PTHLH: variants seen among roughly 807,000 people sequenced by gnomAD.
PTHLH encodes parathyroid hormone like hormone.
Under a neutral mutation model 18.6 loss-of-function variants are expected in PTHLH, and 5 were observed. The observed-to-expected ratio is 0.27, with a 90% CI of 0.14 to 0.56. PTHLH has a LOEUF of 0.56. Among genes scored for constraint, PTHLH ranks in the 20% least tolerant of loss-of-function variants. The pLI is 0.92. For synonymous variants in PTHLH, 90 were observed against 94.0 expected, an observed-to-expected ratio of 0.96 and a Z score of 0.25; for missense variants, 207 against 223.9, an observed-to-expected ratio of 0.92 and a Z score of 0.48.
At chr12:27,970,809 G>A (rs1007024309) in intron 2 of PTHLH, among the ~76,000 whole-genome samples, 2 of 152,320 alleles carry the variant, frequency 1.3e-5, no homozygotes, top group Non-Finnish European at 2.9e-5. Flanking sequence ...GTGAATTTAA[G>A]GAGCCCGAAG....
chr12:27,961,255 T>C (rs555257027), intron 5 of PTHLH, among the ~76,000 whole-genome samples: 2 of 86,944 alleles, frequency 2.3e-5, no homozygotes, highest in Admixed American at 1.3e-4. Context: ...TCAAAAGTTA[T>C]TTATACCTCT....
At position 27,963,343 on chromosome 12, in the gene PTHLH, G is replaced by T. The variant is rs2062778047; in HGVS notation, c.524+5C>A. 1.9e-6 allele frequency: 3 copies of T among 1,614,232 alleles called. No homozygotes were observed. The highest frequency in any genetic ancestry group is 2.5e-6 in the Non-Finnish European group (3 of 1,180,040). Reference sequence around the variant, plus strand: ...CTGAGGCTACGGGCCAGAGAAGCCTGTTACCGTGAATCGAGCTCCAGCGAC... The same window carrying T: ...CTGAGGCTACGGGCCAGAGAAGCCTTTTACCGTGAATCGAGCTCCAGCGAC... On this transcript the variant is annotated splice_donor_5th_base_variant and intron_variant, in intron 5 of 5. Coordinates refer to ENST00000545234, the MANE Select transcript of PTHLH (RefSeq NM_198965.2).
intron 5 of PTHLH, among the ~76,000 whole-genome samples, chr12:27,961,385 A>G (rs1974747): frequency 0.044 from 6,422 of 146,044 alleles, 234 homozygotes; most frequent in East Asian, 0.13. Flanking sequence ...AGATATAAAT[A>G]GATAGATGAT....
intron 4 of PTHLH, 43 bp downstream of exon 4, chr12:27,969,350 CT>C (rs1014600088): frequency 1.3e-6 from 2 of 1,525,688 alleles, no homozygotes; most frequent in Non-Finnish European, 1.8e-6. Context: ...GCCCCTCCCC[CT>C]GGCCTCCCCA....
intron 3 of PTHLH, 140 bp from the exon 4 acceptor site, chr12:27,969,656 T>G: frequency 1.2e-6 from 1 of 826,218 alleles, no homozygotes; most frequent in Non-Finnish European, 2.1e-6. Context: ...GAAAAAAAAT[T>G]TCTCTGGAGC....
intron 5 of PTHLH, chr12:27,962,975 A>G: frequency 8.8e-7 from 1 of 1,142,746 alleles, no homozygotes; most frequent in South Asian, 2.4e-5. Context: ...CACTGAAGAA[A>G]GTTTGCCCAG....
intron 5 of PTHLH, 73 bp downstream of exon 5, chr12:27,963,275 C>T: frequency 1.9e-6 from 3 of 1,611,734 alleles, no homozygotes; most frequent in Non-Finnish European, 2.5e-6. Context: ...TTGTCCAAGC[C>T]AAGGCAGAAG....
intron 5 of PTHLH, among the ~76,000 whole-genome samples, chr12:27,961,307 A>ATATACGTATATATATATGTG (rs1316280843): frequency 1.6e-5 from 1 of 63,256 alleles, no homozygotes; most frequent in Non-Finnish European, 3.5e-5. Flanking sequence ...ATACGTATAT[A>ATATACGTATATATATATGTG]TATATATATA....
At chr12:27,969,560 C>G (rs531689300) in intron 3 of PTHLH, 44 bp from the exon 4 acceptor site, 1 of 1,442,432 alleles carries the variant, frequency 6.9e-7, no homozygotes, top group South Asian at 1.2e-5. Context: ...TCTGGACTCT[C>G]CATCTCCCCG....
At chr12:27,960,921 GC>G (rs2062747755) in intron 5 of PTHLH, among the ~76,000 whole-genome samples, 1 of 151,814 alleles carries the variant, frequency 6.6e-6, no homozygotes, top group South Asian at 2.1e-4. Flanking sequence ...AACTTGCATG[GC>G]CCCATACATT....
chr12:27,969,564 C>T (rs1183858609), intron 3 of PTHLH, 48 bp from the exon 4 acceptor site: 1 of 1,391,898 alleles, frequency 7.2e-7, no homozygotes, highest in Non-Finnish European at 9.9e-7. Flanking sequence ...GACTCTCCAT[C>T]TCCCCGCACT....
At chr12:27,963,073 G>A in intron 5 of PTHLH, 4 of 1,331,300 alleles carry the variant, frequency 3.0e-6, no homozygotes, top group Non-Finnish European at 3.8e-6. Context: ...AAATTATTTG[G>A]TAGAGTGGTA....
At position 27,958,425 on chromosome 12, in the gene PTHLH, T is replaced by A; in HGVS notation, c.*134A>T. On this transcript the variant is annotated 3_prime_UTR_variant, in exon 6 of 6. Coordinates refer to ENST00000545234, the MANE Select transcript of PTHLH (RefSeq NM_198965.2). ...TCACAATGACCAATGTGCAGTTTCA[T>A]AGAGCAATGGGGGAGACAGTTTTAT... 1.3e-6 allele frequency: 1 copy of A among 787,526 alleles called. No homozygotes were observed. The highest frequency in any genetic ancestry group is 3.7e-5 in the Admixed American group (1 of 26,820). The allele number at this position is 787,526 out of a possible 1,614,324, so 48.8% of individuals were successfully genotyped here.
chr12:27,965,121 T>G (rs1424216430), intron 4 of PTHLH, among the ~76,000 whole-genome samples: 1 of 152,210 alleles, frequency 6.6e-6, no homozygotes, highest in Non-Finnish European at 1.5e-5. Context: ...CTGCCCCCAT[T>G]GTATTCATGG....
At chr12:27,969,259 A>T in intron 4 of PTHLH, 135 bp downstream of exon 4, 1 of 828,134 alleles carries the variant, frequency 1.2e-6, no homozygotes, top group South Asian at 1.7e-5. Flanking sequence ...CCCGGCAGGT[A>T]TCCGGGATGG....
chr12:27,961,871 T>C (rs2062764539), intron 5 of PTHLH: 1 of 676,702 alleles, frequency 1.5e-6, no homozygotes, highest in East Asian at 2.5e-5. Flanking sequence ...ATCCTATCTG[T>C]AGCAGAGTCA....
chr12:27,963,870 C>A (rs1357239776), intron 4 of PTHLH, 100 bp from the exon 5 acceptor site: 5 of 1,253,456 alleles, frequency 4.0e-6, no homozygotes, highest in South Asian at 1.3e-5. Flanking sequence ...TCTAGTTGGT[C>A]CACCGTAAGA....
At chr12:27,970,306 C>A in intron 2 of PTHLH, 39 bp from the exon 3 acceptor site, 1 of 242,816 alleles carries the variant, frequency 4.1e-6, no homozygotes, top group South Asian at 4.1e-5. Flanking sequence ...AGGTGGCGCC[C>A]TAGGAACGCG....
At chr12:27,963,103 C>G in intron 5 of PTHLH, 3 of 1,401,336 alleles carry the variant, frequency 2.1e-6, no homozygotes, top group Non-Finnish European at 2.8e-6. Flanking sequence ...TGTTGGGTGA[C>G]GGTGGAGAAA....
Sources: allele counts gnomAD v4.1 joint callset (sites outside exome capture counted in the v4.1 genomes callset), GRCh38; gene constraint gnomAD v4.1.1; transcripts MANE v1.5; gene names NCBI Gene and HGNC (gene_info 2026-07-23, HGNC 2026-07-21).